KLF8: variants seen among roughly 807,000 people sequenced by gnomAD.
KLF8 encodes the protein KLF transcription factor 8.
In KLF8, 10 loss-of-function variants were observed where a neutral mutation model predicts 18.2. The observed-to-expected ratio is 0.55, with a 90% CI of 0.34 to 0.93. KLF8 has a LOEUF of 0.93. Ranked by LOEUF, KLF8 falls within the 40% of genes least tolerant of loss-of-function variation. KLF8 has a pLI of 0.02. For missense variants in KLF8, 264 were observed against 277.9 expected (o/e 0.95, Z 0.36); for synonymous variants, 109 against 97.3 (o/e 1.12, Z -0.71).
chrX:55,971,377 A>G, the KLF8 span, among the ~76,000 whole-genome samples: 1 of 111,379 alleles, frequency 9.0e-6, no homozygotes, highest in Non-Finnish European at 1.9e-5. Flanking sequence ...TCAAAAAACT[A>G]TACCCTTATC....
At chrX:56,027,801 G>A in the KLF8 span, among the ~76,000 whole-genome samples, 1 of 112,693 alleles carries the variant, frequency 8.9e-6, no homozygotes, top group Non-Finnish European at 1.9e-5. Context: ...GTCTGATACT[G>A]GGAGCAAGGT....
chrX:56,018,916 G>A, the KLF8 span, among the ~76,000 whole-genome samples: 3 of 110,910 alleles, frequency 2.7e-5, no homozygotes, highest in Admixed American at 1.9e-4. Flanking sequence ...GCTATATTTA[G>A]ACAGGATCTC....
At chrX:56,152,883 G>C in the KLF8 span, among the ~76,000 whole-genome samples, 2 of 111,887 alleles carry the variant, frequency 1.8e-5, no homozygotes, top group Non-Finnish European at 3.8e-5. Context: ...ACAGGAACAA[G>C]CCCAGACAGC....
chrX:56,185,019 A>G, the KLF8 span, among the ~76,000 whole-genome samples: 1 of 113,006 alleles, frequency 8.8e-6, no homozygotes, highest in Non-Finnish European at 1.9e-5. Flanking sequence ...AAAAAGCTGG[A>G]CGGAGAATGA....
the KLF8 span, among the ~76,000 whole-genome samples, chrX:56,215,682 G>T: frequency 1.0e-4 from 11 of 107,055 alleles, no homozygotes; most frequent in East Asian, 2.9e-3. Context: ...AATTAGCCAG[G>T]TGTGATGGCC....
chrX:56,154,953 CA>C, the KLF8 span, among the ~76,000 whole-genome samples: 2 of 111,923 alleles, frequency 1.8e-5, no homozygotes, highest in South Asian at 7.5e-4. Context: ...AGTCAGGAAA[CA>C]ACAGGTGCTG....
At chrX:56,211,380 CAG>C in the KLF8 span, among the ~76,000 whole-genome samples, 1 of 112,627 alleles carries the variant, frequency 8.9e-6, no homozygotes, top group African/African-American at 3.2e-5. Context: ...CCCAAACATA[CAG>C]AGTCTCTCTG....
At chrX:56,113,468 TG>T in the KLF8 span, among the ~76,000 whole-genome samples, 1 of 109,016 alleles carries the variant, frequency 9.2e-6, no homozygotes, top group Non-Finnish European at 1.9e-5. Context: ...AACTAATTTT[TG>T]CAAAATATAG....
At chrX:56,264,584 G>C (rs1278194417) in intron 2 of KLF8, among the ~76,000 whole-genome samples, 2 of 110,390 alleles carry the variant, frequency 1.8e-5, no homozygotes, top group African/African-American at 6.6e-5. Context: ...TTATTTCATA[G>C]TTTATTCTAT....
chrX:56,192,132 G>A, the KLF8 span, among the ~76,000 whole-genome samples: 1 of 111,736 alleles, frequency 8.9e-6, no homozygotes, highest in Non-Finnish European at 1.9e-5. Flanking sequence ...AAAGTTGCAG[G>A]ATAAAAAGTG....
chrX:56,163,452 C>G, the KLF8 span, among the ~76,000 whole-genome samples: 19 of 110,720 alleles, frequency 1.7e-4, no homozygotes, highest in Middle Eastern at 9.2e-3. Context: ...GTTTGTTTTT[C>G]TCTTGCACAT....
the KLF8 span, among the ~76,000 whole-genome samples, chrX:56,161,672 A>T: frequency 9.1e-6 from 1 of 110,288 alleles, no homozygotes; most frequent in African/African-American, 3.3e-5. Flanking sequence ...CATTCGTGTA[A>T]TTTTTTTTCA....
the KLF8 span, chrX:55,908,581 C>T: frequency 6.7e-6 from 2 of 297,746 alleles, no homozygotes; most frequent in East Asian, 9.5e-5. Flanking sequence ...CTTCCCCTGG[C>T]TAACACTCTT....
the KLF8 span, among the ~76,000 whole-genome samples, chrX:56,130,112 C>T: frequency 1.8e-5 from 2 of 110,583 alleles, no homozygotes; most frequent in African/African-American, 6.6e-5. Context: ...GTTCTAAGGC[C>T]TCGCCCACCT....
chrX:55,955,989 A>G, the KLF8 span, among the ~76,000 whole-genome samples: 3 of 111,280 alleles, frequency 2.7e-5, no homozygotes, highest in Non-Finnish European at 3.8e-5. Context: ...TTTAGAGGAG[A>G]TATGCACTGA....
the KLF8 span, among the ~76,000 whole-genome samples, chrX:56,196,755 C>T: frequency 1.1e-4 from 12 of 111,937 alleles, no homozygotes; most frequent in Admixed American, 1.1e-3. Flanking sequence ...ATCTAATAGA[C>T]ATCTACAGAA....
chrX:56,169,728 A>G, the KLF8 span, among the ~76,000 whole-genome samples: 3 of 111,996 alleles, frequency 2.7e-5, no homozygotes, highest in Middle Eastern at 4.6e-3. Context: ...TGGCTCCTGC[A>G]TGGCATCTCT....
chrX:56,073,023 G>A, the KLF8 span, among the ~76,000 whole-genome samples: 1 of 95,229 alleles, frequency 1.1e-5, no homozygotes, highest in African/African-American at 4.1e-5. Flanking sequence ...GTCTCACTCT[G>A]TCGCCCAGGC....
the KLF8 span, among the ~76,000 whole-genome samples, chrX:55,999,285 A>ATTTTTTTTTTTTT: frequency 0.021 from 707 of 33,196 alleles, 128 homozygotes; most frequent in African/African-American, 0.099. Flanking sequence ...ATGCCTCCAG[A>ATTTTTTTTTTTTT]TTTTTTTTTT....
Sources: allele counts gnomAD v4.1 joint callset (sites outside exome capture counted in the v4.1 genomes callset), GRCh38; gene constraint gnomAD v4.1.1; transcripts MANE v1.5; gene names NCBI Gene and HGNC (gene_info 2026-07-23, HGNC 2026-07-21).